BABAM2: variants seen among roughly 807,000 people sequenced by gnomAD.
BABAM2 encodes the protein BRISC and BRCA1 A complex member 2, also known as BRISC and BRCA1-A complex member 2.
In BABAM2, 31 loss-of-function variants were observed where a neutral mutation model predicts 54.7. The ratio of observed to expected loss-of-function variants is 0.57; its 90% confidence interval spans 0.43 to 0.77. The LOEUF (loss-of-function observed/expected upper bound fraction) is 0.77, where lower values mean the gene tolerates loss of function less well. BABAM2 is among the 30% of genes least tolerant of loss of function. The pLI is 0.00. For synonymous variants in BABAM2, 167 were observed against 162.9 expected, an observed-to-expected ratio of 1.03 and a Z score of -0.19; for missense variants, 364 against 455.8, an observed-to-expected ratio of 0.80 and a Z score of 1.83.
At chr2:27,917,541 CG>C (rs1235637116) in intron 2 of BABAM2, among the ~76,000 whole-genome samples, 2 of 152,092 alleles carry the variant, frequency 1.3e-5, no homozygotes, top group Non-Finnish European at 2.9e-5. Flanking sequence ...AAGGGGCAGA[CG>C]AGCTCCCTCA....
At chr2:28,084,924 G>A (rs12614949) in intron 6 of BABAM2, among the ~76,000 whole-genome samples, 88,073 of 151,966 alleles carry the variant, frequency 0.58, 27,123 homozygotes, top group Middle Eastern at 0.72. Flanking sequence ...CACTCCCAGC[G>A]TCATTTTACT....
At chr2:28,090,656 C>T (rs1012921765) in intron 6 of BABAM2, among the ~76,000 whole-genome samples, 5 of 152,164 alleles carry the variant, frequency 3.3e-5, no homozygotes, top group East Asian at 1.9e-4. Flanking sequence ...GGTCATTCCC[C>T]GGGGATTATT....
At chr2:27,927,581 G>C (rs1667801496) in intron 2 of BABAM2, among the ~76,000 whole-genome samples, 1 of 152,150 alleles carries the variant, frequency 6.6e-6, no homozygotes, top group Non-Finnish European at 1.5e-5. Flanking sequence ...AATAACTACT[G>C]TGTTGTGGGG....
intron 7 of BABAM2, among the ~76,000 whole-genome samples, chr2:28,166,869 A>G (rs1486625981): frequency 2.0e-5 from 3 of 152,150 alleles, no homozygotes; most frequent in African/African-American, 4.8e-5. Context: ...TCAGTGTGCC[A>G]TCTATTTCAT....
At chr2:28,145,390 C>G (rs1671406378) in intron 7 of BABAM2, among the ~76,000 whole-genome samples, 1 of 152,218 alleles carries the variant, frequency 6.6e-6, no homozygotes, top group Non-Finnish European at 1.5e-5. Context: ...CTGACTTTCA[C>G]TGCCTTTTAC....
intron 7 of BABAM2, among the ~76,000 whole-genome samples, chr2:28,132,496 G>A: frequency 6.6e-6 from 1 of 151,980 alleles, no homozygotes; most frequent in East Asian, 1.9e-4. Flanking sequence ...TCATTTTTCG[G>A]TTGCTTCCCC....
chr2:28,224,921 A>C (rs1680749021), intron 7 of BABAM2, among the ~76,000 whole-genome samples: 1 of 149,548 alleles, frequency 6.7e-6, no homozygotes, highest in African/African-American at 2.5e-5. Flanking sequence ...GCATTCCTTT[A>C]TTTGATGTGG....
chr2:28,192,970 C>T (rs1320843302), intron 7 of BABAM2, among the ~76,000 whole-genome samples: 10 of 151,624 alleles, frequency 6.6e-5, no homozygotes, highest in Non-Finnish European at 1.0e-4. Context: ...GTCAGGAGTT[C>T]GAGACCAGCC....
At chr2:28,286,673 T>C (rs1686845811) in intron 10 of BABAM2, among the ~76,000 whole-genome samples, 1 of 152,170 alleles carries the variant, frequency 6.6e-6, no homozygotes, top group Non-Finnish European at 1.5e-5. Context: ...CTCAAAGCAG[T>C]CTCATCTAAT....
At chr2:27,952,369 A>G (rs1035184842) in intron 3 of BABAM2, among the ~76,000 whole-genome samples, 1 of 152,170 alleles carries the variant, frequency 6.6e-6, no homozygotes, top group Non-Finnish European at 1.5e-5. Flanking sequence ...TTATCTTTGT[A>G]TTTCAGAGTG....
chr2:27,963,205 C>T (rs776190274), intron 3 of BABAM2, among the ~76,000 whole-genome samples: 3 of 152,140 alleles, frequency 2.0e-5, no homozygotes, highest in Non-Finnish European at 2.9e-5. Flanking sequence ...CAAGGTGGCT[C>T]ACGCCTGCAA....
Position 28,176,401 on chromosome 2 carries a change from C to G in BABAM2, c.680+47021C>G, listed in dbSNP as rs185591237. Among the ~76,000 whole-genome samples, 224 of 151,420 alleles carry G rather than the reference C, an allele frequency of 1.5e-3. 4 individuals are homozygous for G. The East Asian group carries it at 0.033, about 22-fold the overall frequency. ...CCTGGCCAACATGGCAAAACTTTAT[C>G]TCTACTAAAAATACAAAAATTAGCT... is the stretch of plus-strand genomic sequence containing the variant. On this transcript the variant is annotated intron_variant, in intron 7 of 11. Transcript: ENST00000379624.
chr2:28,136,894 G>T (rs966475008), intron 7 of BABAM2, among the ~76,000 whole-genome samples: 2 of 152,122 alleles, frequency 1.3e-5, no homozygotes, highest in Admixed American at 1.3e-4. Flanking sequence ...TTAAAATTAT[G>T]AATGAGTAAG....
At chr2:28,244,985 A>G (rs937794819) in intron 10 of BABAM2, 123 bp downstream of exon 10, 7 of 706,570 alleles carry the variant, frequency 9.9e-6, no homozygotes, top group Non-Finnish European at 1.3e-5. Context: ...GCGTATATAT[A>G]TATTTATTGT....
In BABAM2 at chr2:28,042,851, C is replaced by T. The variant is rs146607467; in HGVS notation, c.496-2874C>T. Among the ~76,000 whole-genome samples the T allele has an allele frequency of 8.6e-3, 1,305 of 151,836 alleles. 15 individuals carry two copies. The highest frequency in any genetic ancestry group is 0.03 in the African/African-American group (1,224 of 41,424). On this transcript the variant is annotated intron_variant, in intron 5 of 11. Coordinates refer to ENST00000379624, the MANE Select transcript of BABAM2 (RefSeq NM_199191.3). The stretch of plus-strand genomic sequence containing the variant: ...CATCCTGGCTAACATGGTGAAACCC[C>T]GTCTCTACTGAAAATACAAAAAATT...
upstream of BABAM2, among the ~76,000 whole-genome samples, chr2:27,889,347 A>C (rs1664649379): frequency 6.6e-6 from 1 of 152,232 alleles, no homozygotes; most frequent in Admixed American, 6.5e-5. Context: ...AGGACGAATG[A>C]GGTGTTACTG....
At chr2:28,183,747 A>T (rs1012155288) in intron 7 of BABAM2, among the ~76,000 whole-genome samples, 13 of 149,964 alleles carry the variant, frequency 8.7e-5, no homozygotes, top group African/African-American at 1.8e-4. Context: ...GATCACACAC[A>T]CACACACACA....
intron 4 of BABAM2, among the ~76,000 whole-genome samples, chr2:28,020,952 G>GACACACACACACACACAC (rs57086132): frequency 3.8e-4 from 55 of 144,516 alleles, no homozygotes; most frequent in African/African-American, 1.3e-3. Flanking sequence ...CTGTCTCTCT[G>GACACACACACACACACAC]ACACACACAC....
chr2:28,208,878 A>T (rs1679166282), intron 7 of BABAM2, among the ~76,000 whole-genome samples: 1 of 152,096 alleles, frequency 6.6e-6, no homozygotes, highest in African/African-American at 2.4e-5. Context: ...TCCCTGGTGA[A>T]CAATTGTAGG....
Sources: gnomAD v4.1 joint callset for allele counts (sites outside exome capture counted in the v4.1 genomes callset) on GRCh38, gnomAD v4.1.1 for gene constraint, MANE v1.5 for transcripts, NCBI Gene and HGNC (gene_info 2026-07-23, HGNC 2026-07-21) for gene names.